Variants in OSBPL5 observed in about 807,000 individuals in gnomAD.
OSBPL5 encodes oxysterol binding protein like 5, also known as oxysterol-binding protein-related protein 5.
OSBPL5 carries 71 observed loss-of-function variants against 111.2 expected under a neutral mutation model. The observed-to-expected ratio is 0.64, with a 90% confidence interval of 0.53 to 0.78. OSBPL5 has a LOEUF of 0.78. Among genes scored for constraint, OSBPL5 ranks in the 30% least tolerant of loss-of-function variants. OSBPL5 has a pLI of 0.00. For synonymous variants in OSBPL5, 549 were observed against 513.9 expected (o/e 1.07, Z -0.93); for missense variants, 1,210 against 1,189.3 (o/e 1.02, Z -0.26).
At position 3,126,372 on chromosome 11, in the gene OSBPL5, C is replaced by G; in HGVS notation, c.219+101G>C. 1 of 1,076,728 alleles carries G rather than the reference C, an allele frequency of 9.3e-7. No homozygotes were observed. Among genetic ancestry groups the G allele is most frequent in the Admixed American group, 3.0e-5 (1 of 33,568 alleles). 66.7% of individuals were successfully genotyped at this position (1,076,728 alleles called of 1,614,324 possible). A position where few individuals can be genotyped will look rare whatever the true frequency, so the allele number is the denominator to read the frequency against. On this transcript the variant is annotated intron_variant, in intron 3 of 21. Transcript: ENST00000263650. The surrounding 1 kb of genome is among the most constrained non-coding windows in gnomAD (Gnocchi z 6.5). ...GTTTCCCCCGAACAGGCTGGAATGGCAGGCTCAGCTGGACGCCCTGCTGTC... is the reference window on the plus strand; with the variant it reads ...GTTTCCCCCGAACAGGCTGGAATGGGAGGCTCAGCTGGACGCCCTGCTGTC...
intron 19 of OSBPL5, among the ~76,000 whole-genome samples, chr11:3,091,427 C>T (rs1054859927): frequency 6.6e-6 from 1 of 152,208 alleles, no homozygotes; most frequent in East Asian, 1.9e-4. Flanking sequence ...GTGGGTTTGG[C>T]CACAAGGTAC....
rs1857646324 is a variant in OSBPL5, at chr11:3,105,053, G to A, written c.1060-676C>T. On this transcript the variant is annotated intron_variant, in intron 9 of 21. Transcript: ENST00000263650. This position sits in a 1 kb window ranked among gnomAD's most constrained non-coding sequence, Gnocchi z 5.2. ...CCCTCACCACAGCTCCAGAATACAT[G>A]ACTTGGGGTGGCGGGGCTCCCCTTA... Among the ~76,000 whole-genome samples the A allele has an allele frequency of 6.6e-6, 1 of 152,028 alleles. No individual in the cohort carries two copies. The highest frequency in any genetic ancestry group is 1.5e-5 in the Non-Finnish European group (1 of 68,012).
intron 1 of OSBPL5, among the ~76,000 whole-genome samples, chr11:3,158,212 G>A (rs1172030964): frequency 6.6e-6 from 1 of 152,240 alleles, no homozygotes; most frequent in East Asian, 1.9e-4. Context: ...GTGCCGTTCC[G>A]AGGCAGAATC....
At position 3,113,030 on chromosome 11, in the gene OSBPL5, G is replaced by A. The variant is rs11493181; in HGVS notation, c.692-5085C>T. ...TAATATGTCTATGTATTTATGTGTC[G>A]TGTACACAATGTTTCACTACTGAAA... On this transcript the variant is annotated intron_variant, in intron 7 of 21. Coordinates refer to ENST00000263650, the MANE Select transcript of OSBPL5 (RefSeq NM_020896.4). The surrounding 1 kb of genome is among the most constrained non-coding windows in gnomAD (Gnocchi z 4.8). Among the ~76,000 whole-genome samples, 268 of 152,176 alleles carry A rather than the reference G, an allele frequency of 1.8e-3. 1 individual carries two copies. The highest frequency in any genetic ancestry group is 3.4e-3 in the Middle Eastern group (1 of 294).
intron 17 of OSBPL5, chr11:3,093,294 G>A (rs899374069): frequency 2.2e-5 from 17 of 769,206 alleles, no homozygotes; most frequent in East Asian, 1.4e-4. Context: ...TTGGTCACTC[G>A]CCGGCAGTGA....
In OSBPL5 at chr11:3,106,572, G is replaced by A. The variant is rs1373529297; in HGVS notation, c.1059+691C>T. On this transcript the variant is annotated intron_variant, in intron 9 of 21. Transcript: ENST00000263650. This position sits in a 1 kb window ranked among gnomAD's most constrained non-coding sequence, Gnocchi z 8.4. ...CTGCGGGGAGTCAGCTGCCCTGGCT[G>A]TTCATCTGCAGGCATGCTCTGGGGA... Among the ~76,000 whole-genome samples, 4 of 152,204 alleles carry A rather than the reference G, an allele frequency of 2.6e-5. No homozygotes were observed. The highest frequency in any genetic ancestry group is 9.6e-5 in the African/African-American group (4 of 41,452).
At chr11:3,138,311 C>T (rs1471416298) in intron 1 of OSBPL5, among the ~76,000 whole-genome samples, 1 of 152,206 alleles carries the variant, frequency 6.6e-6, no homozygotes, top group East Asian at 1.9e-4. Flanking sequence ...AGGCCTGGCC[C>T]CACCACCTCC....
chr11:3,123,946 G>A (rs1858510165), intron 3 of OSBPL5, among the ~76,000 whole-genome samples: 1 of 152,220 alleles, frequency 6.6e-6, no homozygotes, highest in African/African-American at 2.4e-5. Context: ...CACCAGGCTT[G>A]GCCTTAGGCA....
In OSBPL5 at chr11:3,116,854, C is replaced by CAAAAAAAAAA. The variant is rs371907970; in HGVS notation, c.691+2683_691+2692dup. Among the ~76,000 whole-genome samples the CAAAAAAAAAA allele has an allele frequency of 1.5e-3, 111 of 75,374 alleles. 4 individuals are homozygous for CAAAAAAAAAA. The highest frequency in any genetic ancestry group is 3.6e-3 in the African/African-American group (80 of 22,006). The allele number at this position is 75,374 out of a possible 152,430, so 49.4% of individuals were successfully genotyped here. On this transcript the variant is annotated intron_variant, in intron 7 of 21. Transcript: ENST00000263650. ...TGGGCAACAGAGTGAGACTCCATCA[C>CAAAAAAAAAA]AAAAAAAAAAAAAAAAAAGAAGTGT...
At chr11:3,108,267 G>A (rs1314759369) in intron 7 of OSBPL5, among the ~76,000 whole-genome samples, 1 of 151,952 alleles carries the variant, frequency 6.6e-6, no homozygotes, top group Non-Finnish European at 1.5e-5. Flanking sequence ...ACATCCCCAC[G>A]CACCTCCACC....
rs377101620 is a variant in OSBPL5, at chr11:3,109,796, C to T, written c.692-1851G>A. On this transcript the variant is annotated intron_variant, in intron 7 of 21. Transcript: ENST00000263650. The surrounding 1 kb of genome is among the most constrained non-coding windows in gnomAD (Gnocchi z 7.4). ...TGGCCCCAGGGCCTGAACACGTGTG[C>T]TTTGTAGCTGCCACAAAGGACTAGA... 9.8e-5 allele frequency among the ~76,000 whole-genome samples: 15 copies of T among 152,294 alleles called. No individual in the cohort carries two copies. The East Asian group carries it at 2.1e-3, about 22-fold the overall frequency.
intron 1 of OSBPL5, among the ~76,000 whole-genome samples, chr11:3,143,135 G>T (rs112732788): frequency 1.2e-5 from 1 of 86,712 alleles, no homozygotes. Flanking sequence ...AGGTGCAGAG[G>T]GGGGCAGAGG....
At chr11:3,100,847 G>C (rs1274085006) in intron 13 of OSBPL5, among the ~76,000 whole-genome samples, 1 of 152,186 alleles carries the variant, frequency 6.6e-6, no homozygotes, top group Non-Finnish European at 1.5e-5. Context: ...CCAGGCCCCA[G>C]AGCAGTGCAG....
rs145732880 is a variant in OSBPL5, at chr11:3,133,369, G to C, written c.-21-4200C>G. ...CGCTGGCTGAGGCAGCAGCGACCTG[G>C]GATCCCACTCAAACTGGGAAATGCA... On this transcript the variant is annotated intron_variant, in intron 1 of 21. Coordinates refer to ENST00000263650, the MANE Select transcript of OSBPL5 (RefSeq NM_020896.4). Among the ~76,000 whole-genome samples, 217 of 152,340 alleles carry C rather than the reference G, an allele frequency of 1.4e-3. 1 individual carries two copies. The highest frequency in any genetic ancestry group is 5.0e-3 in the African/African-American group (208 of 41,580).
chr11:3,092,789 G>A lies in OSBPL5; in HGVS notation c.2132+78C>T. 1 of 1,447,350 alleles carries A rather than the reference G, an allele frequency of 6.9e-7. No homozygotes were observed. Among genetic ancestry groups the A allele is most frequent in the East Asian group, 2.5e-5 (1 of 39,854 alleles). The allele number at this position is 1,447,350 out of a possible 1,614,324, so 89.7% of individuals were successfully genotyped here. ...CAGGCTGAAGGTGAGAGGGAAGCCA[G>A]GAGCCCCTGGGCCCTTCTCAGCCCG... is the stretch of plus-strand genomic sequence containing the variant. On this transcript the variant is annotated intron_variant, in intron 18 of 21. Coordinates refer to ENST00000263650, the MANE Select transcript of OSBPL5 (RefSeq NM_020896.4). This position sits in a 1 kb window ranked among gnomAD's most constrained non-coding sequence, Gnocchi z 5.4.
At chr11:3,136,003 C>T (rs546357057) in intron 1 of OSBPL5, among the ~76,000 whole-genome samples, 103 of 152,230 alleles carry the variant, frequency 6.8e-4, no homozygotes, top group Non-Finnish European at 1.2e-3. Flanking sequence ...ATGAAAGACC[C>T]CTTCCACCAC....
intron 1 of OSBPL5, among the ~76,000 whole-genome samples, chr11:3,132,886 G>A (rs1156298708): frequency 1.3e-5 from 2 of 152,302 alleles, no homozygotes; most frequent in South Asian, 2.1e-4. Context: ...AGGGACACGC[G>A]GTAGGTGCTT....
chr11:3,095,197 G>A lies in OSBPL5; in HGVS notation c.1622-863C>T, dbSNP rs550117694. The stretch of plus-strand genomic sequence containing the variant: ...GCGGCATCTCTGTGCAGCTCTGATG[G>A]GGGGAGGTCTCCAGGCTCCACGGAG... On this transcript the variant is annotated intron_variant, in intron 14 of 21. Coordinates refer to ENST00000263650, the MANE Select transcript of OSBPL5 (RefSeq NM_020896.4). Among the ~76,000 whole-genome samples the A allele has an allele frequency of 8.6e-5, 13 of 151,914 alleles. 1 individual carries two copies. The East Asian group carries it at 1.5e-3, about 18-fold the overall frequency.
rs554023053 is a variant in OSBPL5 at position 3,106,500 on chromosome 11, T to A, written c.1059+763A>T. On this transcript the variant is annotated intron_variant, in intron 9 of 21. Coordinates refer to ENST00000263650, the MANE Select transcript of OSBPL5 (RefSeq NM_020896.4). The surrounding 1 kb of genome is among the most constrained non-coding windows in gnomAD (Gnocchi z 8.4). Reference sequence around the variant, plus strand: ...TCCTGTGATTCCTTCCGGACTCCCCTTCCTGAGGCGCCCCACGGTGCCCAG... The same window carrying A: ...TCCTGTGATTCCTTCCGGACTCCCCATCCTGAGGCGCCCCACGGTGCCCAG... Among the ~76,000 whole-genome samples, 1 of 151,050 alleles carries A rather than the reference T, an allele frequency of 6.6e-6. No individual in the cohort carries two copies. Among genetic ancestry groups the A allele is most frequent in the South Asian group, 2.1e-4 (1 of 4,718 alleles).
Sources: gnomAD v4.1 joint callset for allele counts (sites outside exome capture counted in the v4.1 genomes callset) on GRCh38, gnomAD v4.1.1 for gene constraint, Gnocchi (gnomAD v3.1) non-coding constraint, MANE v1.5 for transcripts, NCBI Gene and HGNC (gene_info 2026-07-23, HGNC 2026-07-21) for gene names.